PTAFR: variants seen among roughly 807,000 people sequenced by gnomAD.
The protein encoded by PTAFR is platelet-activating factor receptor.
In PTAFR, 8 loss-of-function variants were observed where a neutral mutation model predicts 14.7. That is an observed-to-expected ratio of 0.54 (90% CI 0.32 to 0.98). The LOEUF (loss-of-function observed/expected upper bound fraction) is 0.98. Ranked by LOEUF, PTAFR falls within the 50% of genes least tolerant of loss-of-function variation. The probability of loss-of-function intolerance (pLI) is 0.04; values close to 1 mark genes in which losing one functional copy is unlikely to be tolerated. For missense variants in PTAFR, 337 were observed against 451.2 expected (o/e 0.75, Z 2.29); for synonymous variants, 156 against 176.5 (o/e 0.88, Z 0.92).
intron 1 of PTAFR, among the ~76,000 whole-genome samples, chr1:28,155,372 G>A (rs982442789): frequency 5.3e-5 from 8 of 152,012 alleles, no homozygotes; most frequent in African/African-American, 1.9e-4. Flanking sequence ...CATCACACCC[G>A]GCTAATTTTT....
intron 1 of PTAFR, among the ~76,000 whole-genome samples, chr1:28,163,384 C>G (rs184847954): frequency 1.3e-3 from 195 of 152,256 alleles, no homozygotes; most frequent in African/African-American, 4.6e-3. Flanking sequence ...ATCCCAGTGT[C>G]GGGCACCGAG....
rs936810508 is a variant in PTAFR at position 28,174,389 on chromosome 1, G to A, written c.-39+2203C>T. 1.2e-4 allele frequency among the ~76,000 whole-genome samples: 19 copies of A among 152,146 alleles called. 1 individual carries two copies. The highest frequency in any genetic ancestry group is 9.2e-4 in the Admixed American group (14 of 15,266). On this transcript the variant is annotated intron_variant, in intron 1 of 1. Transcript: ENST00000373857. ...GGCCTCCTTCACAGGCCTGGGGTGG[G>A]AAGTGGGGAATCTCTGCTCCCTGTA...
At chr1:28,153,837 G>A (rs1185326726) in intron 1 of PTAFR, among the ~76,000 whole-genome samples, 7 of 151,742 alleles carry the variant, frequency 4.6e-5, no homozygotes, top group African/African-American at 1.7e-4. Context: ...GCAGTAAGCC[G>A]AGATTGTGCC....
At chr1:28,161,565 T>TAGTGACCAACTGGTCAAG (rs1370798002) in intron 1 of PTAFR, among the ~76,000 whole-genome samples, 2 of 152,174 alleles carry the variant, frequency 1.3e-5, no homozygotes, top group African/African-American at 4.8e-5. Context: ...CAGGTTGGTC[T>TAGTGACCAACTGGTCAAG]TGAACTCCTG....
At chr1:28,154,583 G>T (rs1646240817) in intron 1 of PTAFR, among the ~76,000 whole-genome samples, 1 of 152,054 alleles carries the variant, frequency 6.6e-6, no homozygotes, top group South Asian at 2.1e-4. Context: ...ATGCCAAGGT[G>T]GGTGGATTGC....
rs1375787573 is a variant in PTAFR, at chr1:28,150,933, A to T, written c.89T>A (p.Val30Asp). The change falls in exon 2 of 2, where the codon GTC (valine) becomes GAC (aspartate). Residue 30 changes from valine to aspartate, a missense_variant. Val to Asp is a radical substitution (Grantham distance 152, BLOSUM62 -3). Coordinates refer to ENST00000373857, the MANE Select transcript of PTAFR (RefSeq NM_000952.5). The surrounding 1 kb of genome is among the most constrained non-coding windows in gnomAD (Gnocchi z 6.3). ...IVYSIIFVLG[V>D]IANGYVLWVF... ...CCACAGCACGTAGCCATTAGCAATG[A>T]CCCCGAGCACAAAGATGATGCTGTA... 1 of 1,614,020 alleles carries T rather than the reference A, an allele frequency of 6.2e-7. No homozygotes were observed. The highest frequency in any genetic ancestry group is 8.5e-7 in the Non-Finnish European group (1 of 1,179,992).
At chr1:28,168,178 A>G (rs990500353) in intron 1 of PTAFR, among the ~76,000 whole-genome samples, 12 of 131,502 alleles carry the variant, frequency 9.1e-5, no homozygotes, top group South Asian at 4.8e-4. Context: ...TCACCGTGTT[A>G]GCCAGGATGG....
intron 1 of PTAFR, among the ~76,000 whole-genome samples, chr1:28,163,370 T>C (rs899599732): frequency 5.9e-5 from 9 of 152,190 alleles, no homozygotes; most frequent in African/African-American, 1.7e-4. Context: ...TTTTCATCTC[T>C]TCAATCCCAG....
chr1:28,166,227 A>G (rs1473304337), intron 1 of PTAFR, among the ~76,000 whole-genome samples: 1 of 152,208 alleles, frequency 6.6e-6, no homozygotes, highest in Non-Finnish European at 1.5e-5. Flanking sequence ...CCCTTCAACG[A>G]AAAGTGCTGG....
chr1:28,157,222 C>A (rs1332475290), intron 1 of PTAFR, among the ~76,000 whole-genome samples: 2 of 152,172 alleles, frequency 1.3e-5, no homozygotes, highest in Non-Finnish European at 2.9e-5. Flanking sequence ...TTACTGCAAC[C>A]TCCACCTCCT....
intron 1 of PTAFR, among the ~76,000 whole-genome samples, chr1:28,186,516 C>T (rs1214704771): frequency 2.0e-5 from 3 of 152,076 alleles, no homozygotes; most frequent in African/African-American, 2.4e-5. Context: ...AAAAGCAAAG[C>T]GCCAAGAGTA....
In PTAFR at chr1:28,187,790, C is replaced by A. The variant is rs1290464492; in HGVS notation, c.-39+5932G>T. Reference sequence around the variant, plus strand: ...GAGGCACCATGCCCAGCCAAGAAAACTTCTTAAATTAAGACATGGAAATTA... The same window carrying A: ...GAGGCACCATGCCCAGCCAAGAAAAATTCTTAAATTAAGACATGGAAATTA... On this transcript the variant is annotated intron_variant, in intron 1 of 1. Coordinates refer to the PTAFR transcript ENST00000305392. Among the ~76,000 whole-genome samples, 5 of 152,278 alleles carry A rather than the reference C, an allele frequency of 3.3e-5. No homozygotes were observed. The South Asian group carries it at 1.0e-3, about 32-fold the overall frequency.
chr1:28,165,336 G>A (rs1399482431), intron 1 of PTAFR, among the ~76,000 whole-genome samples: 1 of 148,276 alleles, frequency 6.7e-6, no homozygotes, highest in Non-Finnish European at 1.5e-5. Flanking sequence ...ACCGGGAGGC[G>A]GAGGCTGCAG....
At chr1:28,158,599 G>A (rs896546565) in intron 1 of PTAFR, among the ~76,000 whole-genome samples, 1 of 152,122 alleles carries the variant, frequency 6.6e-6, no homozygotes, top group Non-Finnish European at 1.5e-5. Context: ...TTGGGAGGCT[G>A]AGGCAGGAGA....
At chr1:28,180,382 A>AAT (rs1368690198), upstream of PTAFR, among the ~76,000 whole-genome samples, 5 of 152,048 alleles carry the variant, frequency 3.3e-5, no homozygotes, top group East Asian at 3.9e-4. Flanking sequence ...TCTGTCTCAA[A>AAT]ATATATATAT....
In PTAFR at chr1:28,149,434, A is replaced by C. The variant is rs1646152555; in HGVS notation, c.*559T>G. On this transcript the variant is annotated 3_prime_UTR_variant, in exon 2 of 2. Coordinates refer to ENST00000373857, the MANE Select transcript of PTAFR (RefSeq NM_000952.5). ...CTGCAACCTCTGCCTCCCAGGTTCA[A>C]GCGATTCTCCTGCCTCAGCCTCCTG... is the stretch of plus-strand genomic sequence containing the variant. The C allele has an allele frequency of 6.7e-6, 1 of 149,534 alleles. No individual in the cohort carries two copies. Among genetic ancestry groups the C allele is most frequent in the African/African-American group, 2.5e-5 (1 of 39,820 alleles). The allele number at this position is 149,534 out of a possible 1,614,324, so 9.3% of individuals were successfully genotyped here.
chr1:28,176,397 C>T (rs989785191), intron 1 of PTAFR, among the ~76,000 whole-genome samples, 195 bp downstream of exon 1: 3 of 146,542 alleles, frequency 2.0e-5, no homozygotes, highest in African/African-American at 7.6e-5. Context: ...GAGCCATGAT[C>T]GCGCCACTGC....
At chr1:28,176,931 A>G (rs1263729163), upstream of PTAFR, 1 of 152,774 alleles carries the variant, frequency 6.5e-6, no homozygotes, top group Non-Finnish European at 1.5e-5. Flanking sequence ...AGAGAGCGAA[A>G]AAGGGAGCAT....
At chr1:28,164,841 C>T (rs1434498739) in intron 1 of PTAFR, among the ~76,000 whole-genome samples, 5 of 152,140 alleles carry the variant, frequency 3.3e-5, no homozygotes, top group Non-Finnish European at 5.9e-5. Context: ...ATGCCTTTGA[C>T]CTGGGGCCCT....
Sources: allele counts gnomAD v4.1 joint callset (sites outside exome capture counted in the v4.1 genomes callset), GRCh38; gene constraint gnomAD v4.1.1; non-coding constraint Gnocchi (gnomAD v3.1); transcripts MANE v1.5; gene names NCBI Gene and HGNC (gene_info 2026-07-23, HGNC 2026-07-21).